Variants in FBXO2 observed in about 807,000 individuals in gnomAD.
The protein encoded by FBXO2 is F-box only protein 2.
A neutral mutation model predicts 38.6 loss-of-function variants in FBXO2; 32 were observed. The ratio of observed to expected loss-of-function variants is 0.83; its 90% CI spans 0.62 to 1.11. The LOEUF is 1.11. Ranked by LOEUF, FBXO2 falls within the 50% of genes most tolerant of loss-of-function variation. The probability of loss-of-function intolerance (pLI) is 0.00; values close to 1 mark genes in which losing one functional copy is unlikely to be tolerated. For missense variants in FBXO2, 450 were observed against 418.3 expected, an observed-to-expected ratio of 1.08 and a Z score of -0.66; for synonymous variants, 189 against 182.9, an observed-to-expected ratio of 1.03 and a Z score of -0.27.
In FBXO2 at chr1:11,650,037, C is replaced by T. The variant is rs992042699; in HGVS notation, c.429G>A (p.Gly143=). ...GCAGCTCCTCCACCCTCCAGCCGTC[C>T]CCACCATGCTCCACGTCACACCAGC... ...LEGWCDVEHG[G]DGWRVEELPG... is the part of the protein sequence containing the mutation. Residue 143 remains glycine (G), a synonymous_variant, in exon 3 of 6, where the codon GGG becomes GGA. Coordinates refer to ENST00000354287, the MANE Select transcript of FBXO2 (RefSeq NM_012168.6). 5.0e-6 allele frequency: 8 copies of T among 1,614,126 alleles called. No homozygotes were observed. The African/African-American group carries it at 5.3e-5, about 11-fold the overall frequency.
intron 2 of FBXO2, 120 bp from the exon 3 acceptor site, chr1:11,650,194 A>G: frequency 6.9e-7 from 1 of 1,457,482 alleles, no homozygotes; most frequent in African/African-American, 1.4e-5. Flanking sequence ...CAGATGATGA[A>G]TGAGAGGGTG....
intron 4 of FBXO2, 23 bp from the exon 5 acceptor site, chr1:11,649,248 G>T (rs1175043358): frequency 6.7e-7 from 1 of 1,502,390 alleles, no homozygotes. Flanking sequence ...AGGGAGCGAG[G>T]TGGGGGGCGG....
Position 11,648,993 on chromosome 1 carries a change from C to CAG in FBXO2, c.756+93_756+94insCT. The CAG allele has an allele frequency of 2.1e-6, 3 of 1,443,572 alleles. No homozygotes were observed. The highest frequency in any genetic ancestry group is 2.8e-6 in the Non-Finnish European group (3 of 1,065,460). 89.4% of individuals were successfully genotyped at this position (1,443,572 alleles called of 1,614,324 possible). A position where few individuals can be genotyped will look rare whatever the true frequency, so the allele number is the denominator to read the frequency against. On this transcript the variant is annotated intron_variant, in intron 5 of 5. Transcript: ENST00000354287. The surrounding 1 kb of genome is among the most constrained non-coding windows in gnomAD (Gnocchi z 4.2). Reference sequence around the variant, plus strand: ...TATCTCAGCCCAGCCCAGCCCAGCCCACCCCAGCCCAGGAGCGCTGTGGGC... The same window carrying CAG: ...TATCTCAGCCCAGCCCAGCCCAGCCCAGACCCCAGCCCAGGAGCGCTGTGGGC...
At position 11,648,930 on chromosome 1, in the gene FBXO2, C is replaced by A. The variant is rs75678560; in HGVS notation, c.757-102G>T. Reference sequence around the variant, plus strand: ...GACCTGCAGCTCCCCCACTCGGTTTCTCCGCGGTATTCAGAACTCTCTCCA... The same window carrying A: ...GACCTGCAGCTCCCCCACTCGGTTTATCCGCGGTATTCAGAACTCTCTCCA... On this transcript the variant is annotated intron_variant, in intron 5 of 5. Coordinates refer to ENST00000354287, the MANE Select transcript of FBXO2 (RefSeq NM_012168.6). The surrounding 1 kb of genome is among the most constrained non-coding windows in gnomAD (Gnocchi z 4.2). 8,118 of 1,543,752 alleles carry A rather than the reference C, an allele frequency of 5.3e-3. 276 individuals carry two copies. The South Asian group carries it at 0.059, about 11-fold the overall frequency.
chr1:11,651,934 G>A (rs373765492), intron 1 of FBXO2, among the ~76,000 whole-genome samples: 2 of 152,006 alleles, frequency 1.3e-5, no homozygotes, highest in Non-Finnish European at 2.9e-5. Flanking sequence ...CCTGACCTCA[G>A]GTGATCCACC....
chr1:11,648,783 G>A lies in FBXO2; in HGVS notation c.802C>T (p.Arg268Cys), dbSNP rs137861693. ...GAGTCCTGCCCCCCGTGCTCGAAGC[G>A]GACGAAGCGGACGCCCGGCCCGTAG... ...TDYGPGVRFV[R>C]FEHGGQDSVY... is the part of the protein sequence containing the mutation. Residue 268 changes from arginine to cysteine, a missense_variant, in exon 6 of 6, where the codon CGC becomes TGC. Transcript: ENST00000354287. The surrounding 1 kb of genome is among the most constrained non-coding windows in gnomAD (Gnocchi z 4.2). 5 of 1,613,620 alleles carry A rather than the reference G, an allele frequency of 3.1e-6. No homozygotes were observed. The highest frequency in any genetic ancestry group is 2.7e-5 in the African/African-American group (2 of 74,942).
In FBXO2 at chr1:11,648,893, G is replaced by A. The variant is rs550813365; in HGVS notation, c.757-65C>T. ...GAGGCCTCTCCTGCCGCCCCACCCCGGTACACCGACCGACCTGCAGCTCCC... is the reference window on the plus strand; with the variant it reads ...GAGGCCTCTCCTGCCGCCCCACCCCAGTACACCGACCGACCTGCAGCTCCC... On this transcript the variant is annotated intron_variant, in intron 5 of 5. Coordinates refer to ENST00000354287, the MANE Select transcript of FBXO2 (RefSeq NM_012168.6). This position sits in a 1 kb window ranked among gnomAD's most constrained non-coding sequence, Gnocchi z 4.2. The A allele has an allele frequency of 1.3e-6, 2 of 1,593,400 alleles. No individual in the cohort carries two copies. Among genetic ancestry groups the A allele is most frequent in the African/African-American group, 2.7e-5 (2 of 74,574 alleles).
rs1639458699 is a variant in FBXO2 at position 11,648,800 on chromosome 1, G to A, written c.785C>T (p.Pro262Leu). 1.2e-6 allele frequency: 2 copies of A among 1,613,712 alleles called. No homozygotes were observed. Among genetic ancestry groups the A allele is most frequent in the Non-Finnish European group, 1.7e-6 (2 of 1,179,998 alleles). ...EISHTFTDYG[P>L]GVRFVRFEHG... The stretch of plus-strand genomic sequence containing the variant: ...CTCGAAGCGGACGAAGCGGACGCCC[G>A]GCCCGTAGTCGGTGAAGGTGTGGGA... Residue 262 changes from proline to leucine, a missense_variant, in exon 6 of 6, where the codon CCG becomes CTG. By Grantham distance (98) the Pro-to-Leu change is moderately conservative (BLOSUM62 -3). Transcript: ENST00000354287. The surrounding 1 kb of genome is among the most constrained non-coding windows in gnomAD (Gnocchi z 4.2).
Position 11,650,704 on chromosome 1 carries a change from G to C in FBXO2, c.153C>G (p.Pro51=), listed in dbSNP as rs900789212. ...CCAGCACGCGCAGCAGCAGCGGCTCGGGCAGCTCGTCCAGGTACGCGGCGG... is the reference window on the plus strand; with the variant it reads ...CCAGCACGCGCAGCAGCAGCGGCTCCGGCAGCTCGTCCAGGTACGCGGCGG... ...AAAAAYLDEL[P]EPLLLRVLAA... is the part of the protein sequence containing the mutation. The change falls in exon 2 of 6, where the codon CCC becomes CCG. Residue 51 remains proline (P), a synonymous_variant. Coordinates refer to ENST00000354287, the MANE Select transcript of FBXO2 (RefSeq NM_012168.6). 13 of 1,530,700 alleles carry C rather than the reference G, an allele frequency of 8.5e-6. No individual in the cohort carries two copies. The highest frequency in any genetic ancestry group is 1.9e-4 in the Middle Eastern group (1 of 5,138). The allele number at this position is 1,530,700 out of a possible 1,614,324, so 94.8% of individuals were successfully genotyped here.
At chr1:11,649,705 G>A (rs1639480237) in intron 4 of FBXO2, 74 bp downstream of exon 4, 7 of 1,503,260 alleles carry the variant, frequency 4.7e-6, no homozygotes, top group Non-Finnish European at 5.5e-6. Context: ...CCCAGGCGGG[G>A]GGTTCCCCAG....
chr1:11,653,107 T>C (rs577406497), intron 1 of FBXO2, among the ~76,000 whole-genome samples: 2 of 152,214 alleles, frequency 1.3e-5, no homozygotes, highest in Admixed American at 1.3e-4. Flanking sequence ...TGAAGTCACA[T>C]CACCTGCCCA....
At chr1:11,650,129 C>G in intron 2 of FBXO2, 55 bp from the exon 3 acceptor site, 1 of 1,603,662 alleles carries the variant, frequency 6.2e-7, no homozygotes, top group Non-Finnish European at 8.5e-7. Context: ...AAGGCTGGCT[C>G]TTGCCACTAT....
At chr1:11,649,701 C>CG in intron 4 of FBXO2, 78 bp downstream of exon 4, 5 of 1,476,800 alleles carry the variant, frequency 3.4e-6, no homozygotes, top group Non-Finnish European at 4.7e-6. Context: ...CACCCCCAGG[C>CG]GGGGGGTTCC....
In FBXO2 at chr1:11,650,651, T is replaced by G; in HGVS notation, c.206A>C (p.Gln69Pro). Residue 69 changes from glutamine (Q) to proline (P), a missense_variant, in exon 2 of 6, where the codon CAG becomes CCG. Coordinates refer to ENST00000354287, the MANE Select transcript of FBXO2 (RefSeq NM_012168.6). ...GCGCAGGCACACCAGGCGGCAGGCC[T>G]GCACCAGCTCGGCGGCCGGCAGTGC... ...LAALPAAELV[Q>P]ACRLVCLRWK... 1 of 1,564,132 alleles carries G rather than the reference T, an allele frequency of 6.4e-7. No individual in the cohort carries two copies. The highest frequency in any genetic ancestry group is 1.2e-5 in the South Asian group (1 of 86,716).
chr1:11,654,138 G>T, intron 1 of FBXO2, 181 bp downstream of exon 1: 1 of 618,374 alleles, frequency 1.6e-6, no homozygotes, highest in Non-Finnish European at 2.6e-6. Flanking sequence ...AAGGCCTCCC[G>T]CCAGACCAAG....
In FBXO2 at chr1:11,652,557, C is replaced by T. The variant is rs78892821; in HGVS notation, c.23-1723G>A. On this transcript the variant is annotated intron_variant, in intron 1 of 5. Transcript: ENST00000354287. ...GGACTGTCTCTTGCATCCCAGTCGG[C>T]TTCAGCTGGGCCATCACAGCCTTGA... 7.4e-3 allele frequency among the ~76,000 whole-genome samples: 1,123 copies of T among 152,312 alleles called. 76 individuals are homozygous for T. The East Asian group carries it at 0.17, about 23-fold the overall frequency.
Position 11,648,523 on chromosome 1 carries a change from C to CCTAT in FBXO2, c.*167_*170dup. On this transcript the variant is annotated 3_prime_UTR_variant, in exon 6 of 6. Coordinates refer to ENST00000354287, the MANE Select transcript of FBXO2 (RefSeq NM_012168.6). This position sits in a 1 kb window ranked among gnomAD's most constrained non-coding sequence, Gnocchi z 4.2. ...TCTAGAAGCCGGCTACCTAAGCAAACCTATGCCAACAAAACTTCTCTCTCC... is the reference window on the plus strand; with the variant it reads ...TCTAGAAGCCGGCTACCTAAGCAAACCTATCTATGCCAACAAAACTTCTCTCTCC... 1.1e-6 allele frequency: 1 copy of CCTAT among 932,124 alleles called. No individual in the cohort carries two copies. Among genetic ancestry groups the CCTAT allele is most frequent in the South Asian group, 1.7e-5 (1 of 57,842 alleles). 57.7% of individuals were successfully genotyped at this position (932,124 alleles called of 1,614,324 possible).
chr1:11,650,608 G>A lies in FBXO2; in HGVS notation c.249C>T (p.Asp83=). ...LVCLRWKELV[D]GAPLWLLKCQ... ...ACTTGAGCAGCCACAGCGGGGCGCC[G>A]TCCACCAGCTCCTTCCAGCGCAGGC... is the stretch of plus-strand genomic sequence containing the variant. The change falls in exon 2 of 6, where the codon GAC becomes GAT. Residue 83 remains aspartate, a synonymous_variant. Coordinates refer to ENST00000354287, the MANE Select transcript of FBXO2 (RefSeq NM_012168.6). 2 of 1,589,584 alleles carry A rather than the reference G, an allele frequency of 1.3e-6. No individual in the cohort carries two copies. Among genetic ancestry groups the A allele is most frequent in the Non-Finnish European group, 1.7e-6 (2 of 1,171,960 alleles).
intron 2 of FBXO2, 42 bp downstream of exon 2, chr1:11,650,424 C>T (rs1639494981): frequency 6.3e-7 from 1 of 1,589,892 alleles, no homozygotes; most frequent in Non-Finnish European, 8.6e-7. Flanking sequence ...CGGCCCATTT[C>T]GCAGCAGGGG....
Sources: gnomAD v4.1 joint callset for allele counts (sites outside exome capture counted in the v4.1 genomes callset) on GRCh38, gnomAD v4.1.1 for gene constraint, Gnocchi (gnomAD v3.1) non-coding constraint, MANE v1.5 for transcripts, NCBI Gene and HGNC (gene_info 2026-07-23, HGNC 2026-07-21) for gene names.